Variants in NPC2 observed in about 807,000 individuals in gnomAD.
NPC2 encodes Niemann-Pick disease type C2 protein.
A neutral mutation model predicts 17.0 loss-of-function variants in NPC2; 14 were observed. That is an observed-to-expected ratio of 0.82 (90% CI 0.54 to 1.29). The LOEUF (loss-of-function observed/expected upper bound fraction) is 1.29, where lower values mean the gene tolerates loss of function less well. Among genes scored for constraint, NPC2 ranks in the 50% most tolerant of loss-of-function variants. The probability of loss-of-function intolerance (pLI) is 0.00; values close to 1 mark genes in which losing one functional copy is unlikely to be tolerated. For synonymous variants in NPC2, 75 were observed against 69.3 expected, an observed-to-expected ratio of 1.08 and a Z score of -0.41; for missense variants, 167 against 183.4, an observed-to-expected ratio of 0.91 and a Z score of 0.52.
intron 3 of NPC2, among the ~76,000 whole-genome samples, chr14:74,484,028 G>GA (rs1453972524): frequency 6.6e-6 from 1 of 151,884 alleles, no homozygotes; most frequent in Admixed American, 6.6e-5. Flanking sequence ...TCTTTTATAG[G>GA]AAAAAAACTG....
chr14:74,487,355 C>T (rs1017641000), intron 1 of NPC2, among the ~76,000 whole-genome samples: 1 of 150,766 alleles, frequency 6.6e-6, no homozygotes, highest in East Asian at 1.9e-4. Flanking sequence ...GCAGCCTCAA[C>T]CGTCCCAGGC....
chr14:74,493,298 CG>C lies in NPC2; in HGVS notation c.-25del. On this transcript the variant is annotated 5_prime_UTR_variant, in exon 1 of 5. Coordinates refer to ENST00000555619, the MANE Select transcript of NPC2 (RefSeq NM_006432.5). This position sits in a 1 kb window ranked among gnomAD's most constrained non-coding sequence, Gnocchi z 4.1. The stretch of plus-strand genomic sequence containing the variant: ...ATCGCGGATAACGAAGTTCCAAGCT[CG>C]GGAAAGAAGCAGCGGCCGCCCGCGG... 6.2e-7 allele frequency: 1 copy of C among 1,609,478 alleles called. No individual in the cohort carries two copies. Among genetic ancestry groups the C allele is most frequent in the East Asian group, 2.2e-5 (1 of 44,692 alleles).
intron 3 of NPC2, chr14:74,483,126 T>A: frequency 1.1e-6 from 1 of 930,884 alleles, no homozygotes; most frequent in Non-Finnish European, 1.8e-6. Context: ...AGTGTATGCT[T>A]AAAATCCTAG....
At chr14:74,482,290 T>C (rs1386580358) in intron 3 of NPC2, among the ~76,000 whole-genome samples, 2 of 152,242 alleles carry the variant, frequency 1.3e-5, no homozygotes, top group Non-Finnish European at 1.5e-5. Flanking sequence ...TGGCCAGATA[T>C]TGCTCCTGAG....
rs770161560 is a variant in NPC2, at chr14:74,493,083, G to A, written c.82+110C>T. 5 of 1,408,500 alleles carry A rather than the reference G, an allele frequency of 3.5e-6. No homozygotes were observed. The highest frequency in any genetic ancestry group is 4.8e-6 in the Non-Finnish European group (5 of 1,032,082). The allele number at this position is 1,408,500 out of a possible 1,614,324, so 87.3% of individuals were successfully genotyped here. On this transcript the variant is annotated intron_variant, in intron 1 of 4. Coordinates refer to ENST00000555619, the MANE Select transcript of NPC2 (RefSeq NM_006432.5). The surrounding 1 kb of genome is among the most constrained non-coding windows in gnomAD (Gnocchi z 4.1). ...CCAGTTAGGTAGGGTCCAAGGCTCA[G>A]CCTGGCCGCCCGAGGGATCCGCCCA... is the stretch of plus-strand genomic sequence containing the variant.
chr14:74,484,321 G>T, intron 3 of NPC2, 94 bp downstream of exon 3: 1 of 1,285,674 alleles, frequency 7.8e-7, no homozygotes, highest in Non-Finnish European at 1.1e-6. Flanking sequence ...GAGATAAGGG[G>T]CCCTTTACCC....
At chr14:74,480,629 A>G (rs1430442356) in intron 4 of NPC2, 73 bp downstream of exon 4, 1 of 1,229,140 alleles carries the variant, frequency 8.1e-7, no homozygotes, top group African/African-American at 1.5e-5. Flanking sequence ...TATGGCACTG[A>G]TTTAGTTTCA....
chr14:74,483,771 T>C (rs995089654), intron 3 of NPC2, among the ~76,000 whole-genome samples: 1 of 152,202 alleles, frequency 6.6e-6, no homozygotes, highest in Non-Finnish European at 1.5e-5. Flanking sequence ...CAAAAGAGCA[T>C]GGATGCATTT....
intron 4 of NPC2, 63 bp downstream of exon 4, chr14:74,480,637 TCA>T: frequency 7.7e-7 from 1 of 1,301,250 alleles, no homozygotes; most frequent in Non-Finnish European, 1.1e-6. Context: ...TGATTTAGTT[TCA>T]GTCTGATTTC....
chr14:74,487,263 G>GTTTTTTTTTTTTTTTTTTTTTTTTTT (rs1208707592), intron 1 of NPC2, among the ~76,000 whole-genome samples: 2 of 134,952 alleles, frequency 1.5e-5, no homozygotes, highest in African/African-American at 2.9e-5. Flanking sequence ...TTGTTTTTGT[G>GTTTTTTTTTTTTTTTTTTTTTTTTTT]GTTTTTTTTT....
chr14:74,489,795 C>G (rs1213083331), intron 1 of NPC2, among the ~76,000 whole-genome samples: 1 of 152,168 alleles, frequency 6.6e-6, no homozygotes, highest in Admixed American at 6.5e-5. Context: ...ACTCTGGTGC[C>G]GGATGCCTGG....
At chr14:74,483,052 G>A in intron 3 of NPC2, 1 of 1,299,078 alleles carries the variant, frequency 7.7e-7, no homozygotes, top group Non-Finnish European at 1.1e-6. Flanking sequence ...GGGAATTTTT[G>A]TTGAAAAATA....
intron 4 of NPC2, 119 bp from the exon 5 acceptor site, chr14:74,480,407 T>A: frequency 3.3e-6 from 3 of 902,202 alleles, no homozygotes; most frequent in Non-Finnish European, 3.7e-6. Context: ...AGGTCCTGTC[T>A]GGCTGGACCT....
intron 4 of NPC2, 115 bp from the exon 5 acceptor site, chr14:74,480,403 T>A: frequency 3.2e-6 from 3 of 939,262 alleles, no homozygotes; most frequent in Non-Finnish European, 3.5e-6. Context: ...CTTCAGGTCC[T>A]GTCTGGCTGG....
chr14:74,484,755 C>CAAAAAAAAAA (rs71115996), intron 2 of NPC2, among the ~76,000 whole-genome samples, 168 bp from the exon 3 acceptor site: 17 of 85,208 alleles, frequency 2.0e-4, no homozygotes, highest in Admixed American at 4.3e-4. Flanking sequence ...CACAATTATG[C>CAAAAAAAAAA]AAAAAAAAAA....
intron 1 of NPC2, among the ~76,000 whole-genome samples, chr14:74,491,643 A>T (rs765567503): frequency 6.6e-6 from 1 of 152,218 alleles, no homozygotes; most frequent in Non-Finnish European, 1.5e-5. Flanking sequence ...TTGAGCAGTT[A>T]CTATTACCTG....
At chr14:74,487,274 G>GTTTTTT (rs59427038) in intron 1 of NPC2, among the ~76,000 whole-genome samples, 1 of 132,062 alleles carries the variant, frequency 7.6e-6, no homozygotes, top group Admixed American at 7.8e-5. Flanking sequence ...GTTTTTTTTT[G>GTTTTTT]TTTTTTTTTT....
chr14:74,485,984 T>C (rs1484886726), intron 2 of NPC2, among the ~76,000 whole-genome samples: 1 of 152,178 alleles, frequency 6.6e-6, no homozygotes, highest in Non-Finnish European at 1.5e-5. Context: ...GCTTAAAGAA[T>C]TGGGGTCCAT....
chr14:74,480,180 G>T lies in NPC2; in HGVS notation c.*94C>A. On this transcript the variant is annotated 3_prime_UTR_variant, in exon 5 of 5. Coordinates refer to ENST00000555619, the MANE Select transcript of NPC2 (RefSeq NM_006432.5). Reference sequence around the variant, plus strand: ...CAACGAATCACTGGATACCATTGGAGAGCAAGTCACTGTTGTTGAAGCAGC... The same window carrying T: ...CAACGAATCACTGGATACCATTGGATAGCAAGTCACTGTTGTTGAAGCAGC... 6.2e-7 allele frequency: 1 copy of T among 1,613,004 alleles called. No homozygotes were observed. The highest frequency in any genetic ancestry group is 1.1e-5 in the South Asian group (1 of 90,934).
Sources: gnomAD v4.1 joint callset for allele counts (sites outside exome capture counted in the v4.1 genomes callset) on GRCh38, gnomAD v4.1.1 for gene constraint, Gnocchi (gnomAD v3.1) non-coding constraint, MANE v1.5 for transcripts, NCBI Gene and HGNC (gene_info 2026-07-23, HGNC 2026-07-21) for gene names.